PIK3R6: variants seen among roughly 807,000 people sequenced by gnomAD.
PIK3R6 encodes the protein phosphoinositide-3-kinase regulatory subunit 6.
In PIK3R6, 91 loss-of-function variants were observed where a neutral mutation model predicts 84.9. The observed-to-expected ratio is 1.07, with a 90% confidence interval of 0.90 to 1.28. The LOEUF is 1.28. Among genes scored for constraint, PIK3R6 ranks in the 50% most tolerant of loss-of-function variants. The pLI is 0.00. For synonymous variants in PIK3R6, 416 were observed against 411.4 expected (o/e 1.01, Z -0.13); for missense variants, 996 against 985.1 (o/e 1.01, Z -0.15).
intron 9 of PIK3R6, among the ~76,000 whole-genome samples, chr17:8,830,830 G>C (rs948907973): frequency 1.3e-5 from 2 of 152,142 alleles, no homozygotes; most frequent in Non-Finnish European, 2.9e-5. Context: ...CTTGACGGGG[G>C]TGCTGCCTGG....
At chr17:8,828,034 G>C in intron 12 of PIK3R6, 78 bp downstream of exon 12, 1 of 1,428,520 alleles carries the variant, frequency 7.0e-7, no homozygotes, top group Non-Finnish European at 9.8e-7. Flanking sequence ...GGGATGTGGG[G>C]GATGCGGGGC....
At chr17:8,822,957 G>T in intron 15 of PIK3R6, 39 bp downstream of exon 15, 1 of 1,494,176 alleles carries the variant, frequency 6.7e-7, no homozygotes, top group Non-Finnish European at 9.3e-7. Flanking sequence ...GAGAAGCTGA[G>T]TCAGGGTGAC....
chr17:8,821,681 G>A (rs1248965842), intron 17 of PIK3R6, among the ~76,000 whole-genome samples, 165 bp downstream of exon 17: 4 of 152,146 alleles, frequency 2.6e-5, no homozygotes, highest in Non-Finnish European at 2.9e-5. Context: ...GCTAGAGTCT[G>A]GGTGACCCGA....
intron 10 of PIK3R6, among the ~76,000 whole-genome samples, chr17:8,829,500 TGA>T (rs2088124800): frequency 1.8e-5 from 1 of 56,442 alleles, no homozygotes; most frequent in African/African-American, 8.7e-5. Context: ...ACACACACAC[TGA>T]CACACACTCA....
intron 15 of PIK3R6, 71 bp downstream of exon 15, chr17:8,822,925 G>T: frequency 7.9e-7 from 1 of 1,265,700 alleles, no homozygotes; most frequent in Non-Finnish European, 1.2e-6. Flanking sequence ...CATCAGGTGA[G>T]AGGTGGAAGG....
intron 18 of PIK3R6, among the ~76,000 whole-genome samples, chr17:8,805,832 C>T (rs923585372): frequency 1.3e-5 from 2 of 151,856 alleles, no homozygotes; most frequent in East Asian, 3.9e-4. Flanking sequence ...GCAGGAGGAT[C>T]GCTTGAACCC....
intron 13 of PIK3R6, among the ~76,000 whole-genome samples, chr17:8,825,072 G>A (rs2087873503): frequency 6.6e-6 from 1 of 152,114 alleles, no homozygotes; most frequent in African/African-American, 2.4e-5. Flanking sequence ...AAATATAATG[G>A]CATAAAGATA....
chr17:8,829,065 T>C (rs72848129), intron 10 of PIK3R6, 75 bp from the exon 11 acceptor site: 48,753 of 1,348,534 alleles, frequency 0.036, 3,838 homozygotes, highest in East Asian at 0.34. Context: ...GCCAGTCCTC[T>C]TCAGAGGATA....
chr17:8,829,365 CAT>C (rs3859232), intron 10 of PIK3R6, among the ~76,000 whole-genome samples: 37,108 of 149,420 alleles, frequency 0.25, 4,602 homozygotes, highest in Non-Finnish European at 0.26. Flanking sequence ...GACACACACA[CAT>C]GCATGGATAC....
In PIK3R6 at chr17:8,828,581, G is replaced by C. The variant is rs764267474; in HGVS notation, c.1299C>G (p.Ala433=). 3 of 1,612,660 alleles carry C rather than the reference G, an allele frequency of 1.9e-6. No individual in the cohort carries two copies. Among genetic ancestry groups the C allele is most frequent in the Non-Finnish European group, 1.7e-6 (2 of 1,179,572 alleles). The change falls in exon 11 of 20, where the codon GCC becomes GCG. Residue 433 remains alanine, a synonymous_variant. Transcript: ENST00000619866. ...CGGGGCCCCACCTGAGTCTGTGGTA[G>C]GCCTGGGCCAGGCGCCCCAGCATCC... The part of the protein sequence containing the change: ...DDRMLGRLAQ[A]YHRLRKRETQ...
intron 17 of PIK3R6, among the ~76,000 whole-genome samples, chr17:8,819,605 G>A (rs1360987686): frequency 6.6e-6 from 1 of 151,040 alleles, no homozygotes; most frequent in Non-Finnish European, 1.5e-5. Flanking sequence ...AAGTGGGTGA[G>A]GAGGGCATCA....
At chr17:8,859,233 A>G (rs1426902338) in intron 1 of PIK3R6, among the ~76,000 whole-genome samples, 1 of 152,170 alleles carries the variant, frequency 6.6e-6, no homozygotes, top group Non-Finnish European at 1.5e-5. Context: ...TCAGAACATA[A>G]TCCATGGGGC....
chr17:8,856,928 A>G (rs2089154875), intron 1 of PIK3R6, among the ~76,000 whole-genome samples: 1 of 67,752 alleles, frequency 1.5e-5, no homozygotes, highest in Admixed American at 1.4e-4. Context: ...CCGCCAGTCA[A>G]TTTAAGAACG....
intron 17 of PIK3R6, among the ~76,000 whole-genome samples, chr17:8,819,941 T>TTA (rs1215081359): frequency 6.0e-5 from 5 of 82,948 alleles, no homozygotes; most frequent in African/African-American, 1.1e-4. Context: ...ATATATATTT[T>TTA]TATATATATA....
At chr17:8,845,415 C>T (rs556557554) in intron 2 of PIK3R6, among the ~76,000 whole-genome samples, 3 of 152,264 alleles carry the variant, frequency 2.0e-5, no homozygotes, top group East Asian at 1.9e-4. Context: ...TAATTAGTAA[C>T]GTAGAGCATT....
chr17:8,850,378 A>G (rs1304780087), intron 1 of PIK3R6, among the ~76,000 whole-genome samples: 1 of 152,096 alleles, frequency 6.6e-6, no homozygotes, highest in Non-Finnish European at 1.5e-5. Flanking sequence ...TCTTCTAAGC[A>G]CTTAAGAAAT....
intron 4 of PIK3R6, chr17:8,838,241 G>C: frequency 2.3e-6 from 1 of 434,296 alleles, no homozygotes; most frequent in Non-Finnish European, 4.2e-6. Flanking sequence ...AATTTAGGTG[G>C]CCCGAGGATA....
In PIK3R6 at chr17:8,830,713, TAC is replaced by T. The variant is rs372363878; in HGVS notation, c.803-923_803-922del. ...TGGCCCAAGGTCACATAGTAAATAGTACAGTGACGACTTGAGCCCAGGCAGCT... is the reference window on the plus strand; with the variant it reads ...TGGCCCAAGGTCACATAGTAAATAGTAGTGACGACTTGAGCCCAGGCAGCT... On this transcript the variant is annotated intron_variant, in intron 9 of 19. Transcript: ENST00000619866. Among the ~76,000 whole-genome samples the T allele has an allele frequency of 4.2e-3, 642 of 152,300 alleles. 3 individuals carry two copies. Among genetic ancestry groups the T allele is most frequent in the African/African-American group, 0.015 (611 of 41,560 alleles).
intron 1 of PIK3R6, among the ~76,000 whole-genome samples, chr17:8,851,542 A>C (rs1403897866): frequency 6.6e-6 from 1 of 152,094 alleles, no homozygotes; most frequent in Non-Finnish European, 1.5e-5. Flanking sequence ...AAAACCACAA[A>C]ATAACAAGCA....
Sources: allele counts gnomAD v4.1 joint callset (sites outside exome capture counted in the v4.1 genomes callset), GRCh38; gene constraint gnomAD v4.1.1; transcripts MANE v1.5; gene names NCBI Gene and HGNC (gene_info 2026-07-23, HGNC 2026-07-21).